Variants in MRE11 observed in about 807,000 individuals in gnomAD.
MRE11 encodes the protein MRE11 double strand break repair nuclease.
MRE11 carries 62 observed loss-of-function variants against 91.7 expected under a neutral mutation model. That is an observed-to-expected ratio of 0.68 (90% confidence interval 0.55 to 0.84). MRE11 has a LOEUF of 0.84. MRE11 is among the 40% of genes least tolerant of loss of function. The pLI is 0.00. For synonymous variants in MRE11, 273 were observed against 271.4 expected (o/e 1.01, Z -0.06); for missense variants, 796 against 852.9 (o/e 0.93, Z 0.83).
intron 16 of MRE11, among the ~76,000 whole-genome samples, chr11:94,439,159 T>C (rs539983266): frequency 2.0e-4 from 30 of 152,326 alleles, no homozygotes; most frequent in Admixed American, 8.5e-4. Flanking sequence ...ATTTGACCTT[T>C]ATTTATCTCT....
intron 14 of MRE11, among the ~76,000 whole-genome samples, chr11:94,453,932 C>A (rs1946182235): frequency 6.6e-6 from 1 of 150,912 alleles, no homozygotes; most frequent in African/African-American, 2.4e-5. Flanking sequence ...AATAAAAAAA[C>A]AAACAAACAA....
chr11:94,510,281 A>T, the MRE11 span, among the ~76,000 whole-genome samples: 1 of 152,208 alleles, frequency 6.6e-6, no homozygotes, highest in African/African-American at 2.4e-5. Context: ...ACTAGCATCA[A>T]ATTATTCAAA....
At chr11:94,484,611 A>T (rs775042080) in intron 4 of MRE11, among the ~76,000 whole-genome samples, 4 of 152,218 alleles carry the variant, frequency 2.6e-5, no homozygotes, top group Non-Finnish European at 4.4e-5. Flanking sequence ...CCTGGCAGAG[A>T]CCAGCTTAAC....
the MRE11 span, among the ~76,000 whole-genome samples, chr11:94,511,423 G>C: frequency 6.6e-5 from 10 of 152,140 alleles, no homozygotes; most frequent in African/African-American, 2.4e-4. Flanking sequence ...CAGGTATATA[G>C]CAATGCAAGA....
intron 16 of MRE11, among the ~76,000 whole-genome samples, chr11:94,441,887 A>C (rs1011735926): frequency 3.3e-5 from 5 of 149,720 alleles, no homozygotes; most frequent in African/African-American, 1.2e-4. Context: ...TAAGACAGGA[A>C]AATTGTTTGA....
chr11:94,493,351 G>A (rs1947343547), intron 1 of MRE11, among the ~76,000 whole-genome samples: 1 of 152,128 alleles, frequency 6.6e-6, no homozygotes, highest in African/African-American at 2.4e-5. Flanking sequence ...TTGGAAAAGG[G>A]AACGGGCCCG....
At chr11:94,458,371 G>A (rs993169369) in intron 13 of MRE11, among the ~76,000 whole-genome samples, 4 of 49,700 alleles carry the variant, frequency 8.0e-5, no homozygotes, top group Admixed American at 2.7e-4. Flanking sequence ...ATTATACTAC[G>A]CAGTTTTTTA....
rs918217095 is a variant in MRE11 at position 94,483,190 on chromosome 11, G to C, written c.314+2734C>G. Among the ~76,000 whole-genome samples the C allele has an allele frequency of 3.2e-4, 48 of 151,430 alleles. 1 individual carries two copies. The highest frequency in any genetic ancestry group is 1.1e-3 in the African/African-American group (47 of 41,290). On this transcript the variant is annotated intron_variant, in intron 4 of 19. Coordinates refer to ENST00000323929, the MANE Select transcript of MRE11 (RefSeq NM_005591.4). ...TAAAAACTAAATAAGAAATAAATATGGGCTGGGCATGGTGGCTCACAAGTG... is the reference window on the plus strand; with the variant it reads ...TAAAAACTAAATAAGAAATAAATATCGGCTGGGCATGGTGGCTCACAAGTG...
chr11:94,456,623 C>T (rs575195656), intron 13 of MRE11, among the ~76,000 whole-genome samples: 1 of 152,072 alleles, frequency 6.6e-6, no homozygotes, highest in South Asian at 2.1e-4. Context: ...ATTCTAATAC[C>T]CTATGGGTAT....
At chr11:94,480,012 A>G (rs749368521) in intron 4 of MRE11, among the ~76,000 whole-genome samples, 2 of 152,222 alleles carry the variant, frequency 1.3e-5, no homozygotes, top group Admixed American at 6.5e-5. Flanking sequence ...ATGTATGAGT[A>G]GTATATCTAA....
At chr11:94,426,358 G>C (rs1324569367) in intron 19 of MRE11, among the ~76,000 whole-genome samples, 1 of 150,634 alleles carries the variant, frequency 6.6e-6, no homozygotes, top group East Asian at 2.0e-4. Flanking sequence ...AAATCTTAGG[G>C]ATGCAGCTAA....
At chr11:94,504,374 CT>C in the MRE11 span, among the ~76,000 whole-genome samples, 2 of 152,024 alleles carry the variant, frequency 1.3e-5, no homozygotes, top group Non-Finnish European at 2.9e-5. Flanking sequence ...TCAGGGGGGC[CT>C]GTTATTTAAA....
chr11:94,488,050 T>C (rs762166755), intron 3 of MRE11, among the ~76,000 whole-genome samples: 3 of 152,096 alleles, frequency 2.0e-5, no homozygotes, highest in Non-Finnish European at 4.4e-5. Flanking sequence ...CCTGGGGTTA[T>C]GGGGGGTGGA....
intron 16 of MRE11, among the ~76,000 whole-genome samples, chr11:94,442,193 T>G (rs1190361307): frequency 6.6e-6 from 1 of 152,098 alleles, no homozygotes; most frequent in Admixed American, 6.5e-5. Context: ...AGATAGCAGT[T>G]CAGAGATTCA....
In MRE11 at chr11:94,417,845, C is replaced by G. The variant is rs1945067884; in HGVS notation, c.*2280G>C. The G allele has an allele frequency of 4.3e-6, 1 of 233,050 alleles. No individual in the cohort carries two copies. The highest frequency in any genetic ancestry group is 2.2e-5 in the African/African-American group (1 of 45,424). 14.4% of individuals were successfully genotyped at this position (233,050 alleles called of 1,614,324 possible). On this transcript the variant is annotated 3_prime_UTR_variant, in exon 20 of 20. Transcript: ENST00000323929. ...CCTAAATGCTTGAATTTTCTAAGCACCACTTATATTTTCAAGAATTTCCTA... is the reference window on the plus strand; with the variant it reads ...CCTAAATGCTTGAATTTTCTAAGCAGCACTTATATTTTCAAGAATTTCCTA...
chr11:94,420,278 T>C, intron 19 of MRE11, 97 bp from the exon 20 acceptor site: 2 of 913,456 alleles, frequency 2.2e-6, no homozygotes, highest in Non-Finnish European at 3.6e-6. Flanking sequence ...GTGAGAGTCA[T>C]TTCACATGGG....
intron 16 of MRE11, among the ~76,000 whole-genome samples, chr11:94,441,386 T>C (rs995835980): frequency 6.6e-6 from 1 of 152,164 alleles, no homozygotes; most frequent in Non-Finnish European, 1.5e-5. Flanking sequence ...CCTACAAACC[T>C]AGAGAAACAA....
At chr11:94,511,314 C>T in the MRE11 span, among the ~76,000 whole-genome samples, 7 of 152,186 alleles carry the variant, frequency 4.6e-5, no homozygotes, top group Non-Finnish European at 1.0e-4. Flanking sequence ...TTTCCGGAGG[C>T]TTCACCAGAA....
chr11:94,498,543 A>G (rs1320379520), upstream of MRE11: 1 of 1,593,182 alleles, frequency 6.3e-7, no homozygotes, highest in African/African-American at 1.3e-5. Context: ...CAATTCTAGT[A>G]ATTTTCCTAA....
Sources: allele counts gnomAD v4.1 joint callset (sites outside exome capture counted in the v4.1 genomes callset), GRCh38; gene constraint gnomAD v4.1.1; transcripts MANE v1.5; gene names NCBI Gene and HGNC (gene_info 2026-07-23, HGNC 2026-07-21).